Variants in RAB5A observed in about 807,000 individuals in gnomAD.
The protein encoded by RAB5A is ras-related protein Rab-5A.
RAB5A carries 8 observed loss-of-function variants against 25.7 expected under a neutral mutation model. The observed-to-expected ratio is 0.31, with a 90% CI of 0.18 to 0.56. The LOEUF is 0.56. Among genes scored for constraint, RAB5A ranks in the 20% least tolerant of loss-of-function variants. The probability of loss-of-function intolerance (pLI) is 0.91; values close to 1 mark genes in which losing one functional copy is unlikely to be tolerated. For missense variants in RAB5A, 192 were observed against 259.7 expected, an observed-to-expected ratio of 0.74 and a Z score of 1.79; for synonymous variants, 98 against 89.8, an observed-to-expected ratio of 1.09 and a Z score of -0.52.
In RAB5A at chr3:19,955,232, A is replaced by G. The variant is rs139072043; in HGVS notation, c.163+4171A>G. Reference sequence around the variant, plus strand: ...AAAAGTGCTTCATACCACAGTTACAATTTTGTATGCACTAATCAAAAAATG... The same window carrying G: ...AAAAGTGCTTCATACCACAGTTACAGTTTTGTATGCACTAATCAAAAAATG... On this transcript the variant is annotated intron_variant, in intron 2 of 5. Coordinates refer to ENST00000273047, the MANE Select transcript of RAB5A (RefSeq NM_004162.5). Among the ~76,000 whole-genome samples the G allele has an allele frequency of 8.5e-4, 129 of 152,284 alleles. No homozygotes were observed. The Middle Eastern group carries it at 0.01, about 12-fold the overall frequency.
At chr3:19,979,130 C>T (rs964276396) in intron 5 of RAB5A, among the ~76,000 whole-genome samples, 4 of 152,070 alleles carry the variant, frequency 2.6e-5, no homozygotes, top group Non-Finnish European at 5.9e-5. Context: ...GTGCACACCA[C>T]CACGCCCAGC....
chr3:19,983,978 T>G lies in RAB5A; in HGVS notation c.*155T>G, dbSNP rs1696982965. 1.0e-5 allele frequency: 6 copies of G among 597,160 alleles called. No individual in the cohort carries two copies. The highest frequency in any genetic ancestry group is 1.8e-5 in the Non-Finnish European group (6 of 333,162). 37.0% of individuals were successfully genotyped at this position (597,160 alleles called of 1,614,324 possible). On this transcript the variant is annotated 3_prime_UTR_variant, in exon 6 of 6. Transcript: ENST00000273047. Reference sequence around the variant, plus strand: ...CAGAATTATTTTAAGTGTTTTGAACTTAATTTTTAATAACATGCATGGGTC... The same window carrying G: ...CAGAATTATTTTAAGTGTTTTGAACGTAATTTTTAATAACATGCATGGGTC...
chr3:19,959,349 G>T (rs1051038539), intron 2 of RAB5A, among the ~76,000 whole-genome samples: 1 of 151,904 alleles, frequency 6.6e-6, no homozygotes. Context: ...TTGTAATCTG[G>T]TGCTATATAT....
At chr3:19,953,051 C>T (rs1696446442) in intron 2 of RAB5A, among the ~76,000 whole-genome samples, 1 of 149,150 alleles carries the variant, frequency 6.7e-6, no homozygotes, top group South Asian at 2.1e-4. Flanking sequence ...CTTCTCCTCT[C>T]TCTTTATTAT....
At chr3:19,978,275 T>C (rs200383041) in intron 4 of RAB5A, 35 bp from the exon 5 acceptor site, 19 of 1,349,020 alleles carry the variant, frequency 1.4e-5, no homozygotes, top group East Asian at 6.9e-5. Flanking sequence ...CCAAGAGATA[T>C]ATCTCATATA....
At chr3:19,974,600 T>G (rs941920826) in intron 2 of RAB5A, among the ~76,000 whole-genome samples, 2 of 151,710 alleles carry the variant, frequency 1.3e-5, no homozygotes, top group African/African-American at 4.8e-5. Flanking sequence ...CTACCACAAT[T>G]AAAGTGTCAC....
intron 4 of RAB5A, among the ~76,000 whole-genome samples, chr3:19,977,458 C>T (rs1696843349): frequency 6.6e-6 from 1 of 152,194 alleles, no homozygotes; most frequent in Non-Finnish European, 1.5e-5. Flanking sequence ...CTGTATATAT[C>T]AGTGATGAAA....
intron 5 of RAB5A, among the ~76,000 whole-genome samples, chr3:19,981,220 C>T (rs758492040): frequency 6.6e-6 from 1 of 152,134 alleles, no homozygotes; most frequent in Non-Finnish European, 1.5e-5. Flanking sequence ...GTTTGACTTA[C>T]GATTTTATAA....
At chr3:19,965,296 C>G (rs764077965) in intron 2 of RAB5A, among the ~76,000 whole-genome samples, 12 of 151,890 alleles carry the variant, frequency 7.9e-5, no homozygotes, top group Admixed American at 1.3e-4. Flanking sequence ...GTTGTGTGTG[C>G]CTATAGTCCC....
intron 1 of RAB5A, chr3:19,947,945 C>G (rs1175356623): frequency 2.6e-5 from 4 of 152,260 alleles, no homozygotes; most frequent in African/African-American, 9.7e-5. Context: ...TGGCTATTAG[C>G]TACTCAGGTG....
chr3:19,979,628 G>A (rs1168611223), intron 5 of RAB5A, among the ~76,000 whole-genome samples: 3 of 152,138 alleles, frequency 2.0e-5, no homozygotes, highest in Non-Finnish European at 4.4e-5. Context: ...TCAGTTATAA[G>A]TAATGAAGTT....
chr3:19,957,131 G>A (rs1171552906), intron 2 of RAB5A, among the ~76,000 whole-genome samples: 1 of 145,512 alleles, frequency 6.9e-6, no homozygotes, highest in Non-Finnish European at 1.5e-5. Context: ...TCTCACTGTT[G>A]GTGCCTAAGC....
At chr3:19,970,462 C>T (rs1696733681) in intron 2 of RAB5A, 9 of 428,926 alleles carry the variant, frequency 2.1e-5, no homozygotes, top group Admixed American at 1.9e-4. Context: ...GAGCTGATCA[C>T]GTAGCTCAGA....
In RAB5A at chr3:19,984,183, T is replaced by A. The variant is rs201017492; in HGVS notation, c.*360T>A. On this transcript the variant is annotated 3_prime_UTR_variant, in exon 6 of 6. Coordinates refer to ENST00000273047, the MANE Select transcript of RAB5A (RefSeq NM_004162.5). ...ACAGTAGTCACCTGTGAAAAAAAAA[T>A]TGGAACTTACTAATTTGGGCTTTTC... The A allele has an allele frequency of 7.0e-5, 28 of 402,092 alleles. No individual in the cohort carries two copies. The highest frequency in any genetic ancestry group is 3.1e-4 in the African/African-American group (14 of 44,742). 24.9% of individuals were successfully genotyped at this position (402,092 alleles called of 1,614,324 possible). A position where few individuals can be genotyped will look rare whatever the true frequency, so the allele number is the denominator to read the frequency against.
At chr3:19,980,440 A>G (rs1298835333) in intron 5 of RAB5A, among the ~76,000 whole-genome samples, 1 of 110,416 alleles carries the variant, frequency 9.1e-6, no homozygotes, top group Non-Finnish European at 1.8e-5. Flanking sequence ...TCACTAGGTT[A>G]GTAAATTTTT....
At chr3:19,958,501 G>T (rs755384703) in intron 2 of RAB5A, among the ~76,000 whole-genome samples, 3 of 152,156 alleles carry the variant, frequency 2.0e-5, no homozygotes, top group Non-Finnish European at 4.4e-5. Context: ...AAGCATTTAT[G>T]TGAACTCTGT....
At chr3:19,949,011 A>G (rs1696380862) in intron 1 of RAB5A, among the ~76,000 whole-genome samples, 4 of 152,162 alleles carry the variant, frequency 2.6e-5, no homozygotes. Flanking sequence ...GATTGTTTAC[A>G]TGTATTGTTT....
intron 2 of RAB5A, among the ~76,000 whole-genome samples, chr3:19,958,609 C>T (rs1696539511): frequency 6.6e-6 from 1 of 152,058 alleles, no homozygotes; most frequent in Non-Finnish European, 1.5e-5. Context: ...TTTGGAAGGC[C>T]GAGGCAGGCA....
At chr3:19,953,600 G>T (rs1201218463) in intron 2 of RAB5A, among the ~76,000 whole-genome samples, 3 of 152,040 alleles carry the variant, frequency 2.0e-5, no homozygotes, top group Non-Finnish European at 4.4e-5. Context: ...TAGAGATGGG[G>T]TTTCACCATG....
Sources: gnomAD v4.1 joint callset for allele counts (sites outside exome capture counted in the v4.1 genomes callset) on GRCh38, gnomAD v4.1.1 for gene constraint, MANE v1.5 for transcripts, NCBI Gene and HGNC (gene_info 2026-07-23, HGNC 2026-07-21) for gene names.